UBASH3B: variants seen among roughly 807,000 people sequenced by gnomAD.
UBASH3B encodes the protein ubiquitin associated and SH3 domain containing B.
Under a neutral mutation model 83.4 loss-of-function variants are expected in UBASH3B, and 37 were observed. The observed-to-expected ratio is 0.44, with a 90% confidence interval of 0.34 to 0.58. UBASH3B has a LOEUF of 0.58. Ranked by LOEUF, UBASH3B falls within the 20% of genes least tolerant of loss-of-function variation. UBASH3B has a pLI of 0.01. For synonymous variants in UBASH3B, 304 were observed against 318.3 expected (o/e 0.96, Z 0.48); for missense variants, 657 against 827.2 (o/e 0.79, Z 2.52).
rs148197858 is a variant in UBASH3B at position 122,782,033 on chromosome 11, A to T, written c.602-1020A>T. Among the ~76,000 whole-genome samples the T allele has an allele frequency of 8.3e-3, 1,268 of 152,266 alleles. 16 individuals are homozygous for T. Among genetic ancestry groups the T allele is most frequent in the African/African-American group, 0.029 (1,190 of 41,540 alleles). ...AAATTCCCTAATTTCTTCTAGTTGC[A>T]ACTTCTTCATTATTCTAGTTTGTAC... On this transcript the variant is annotated intron_variant, in intron 4 of 13. Coordinates refer to ENST00000284273, the MANE Select transcript of UBASH3B (RefSeq NM_032873.5).
In UBASH3B at chr11:122,655,914, GCGCCGCCTCCGCTGC is replaced by G. The variant is rs563840858; in HGVS notation, c.-125_-111del. ...AGTCCCGACACTGGGGAAGCTCGGA[GCGCCGCCTCCGCTGC>G]CGCCGCCTCCTGCCTGGCTCTGGGT... On this transcript the variant is annotated 5_prime_UTR_variant, in exon 1 of 14. Coordinates refer to ENST00000284273, the MANE Select transcript of UBASH3B (RefSeq NM_032873.5). The G allele has an allele frequency of 1.0e-5, 10 of 972,062 alleles. No homozygotes were observed. Among genetic ancestry groups the G allele is most frequent in the South Asian group, 2.0e-5 (1 of 50,470 alleles). The allele number at this position is 972,062 out of a possible 1,614,324, so 60.2% of individuals were successfully genotyped here. A position where few individuals can be genotyped will look rare whatever the true frequency, so the allele number is the denominator to read the frequency against.
At chr11:122,745,043 CCG>C (rs1861095771) in intron 1 of UBASH3B, among the ~76,000 whole-genome samples, 1 of 151,954 alleles carries the variant, frequency 6.6e-6, no homozygotes, top group African/African-American at 2.4e-5. Context: ...CCCAGGGAGC[CCG>C]TCTGCCTGAG....
intron 1 of UBASH3B, among the ~76,000 whole-genome samples, chr11:122,770,378 T>C (rs4936742): frequency 0.63 from 96,262 of 151,836 alleles, 31,493 homozygotes; most frequent in African/African-American, 0.8. Context: ...GGGAACTCTC[T>C]TCTGAAGGCA....
intron 2 of UBASH3B, 41 bp downstream of exon 2, chr11:122,776,313 T>G: frequency 6.4e-7 from 1 of 1,563,258 alleles, no homozygotes; most frequent in Non-Finnish European, 8.7e-7. Flanking sequence ...AGCATATAAT[T>G]AACTCAAAGT....
chr11:122,756,459 T>G (rs1861283674), intron 1 of UBASH3B, among the ~76,000 whole-genome samples: 1 of 152,170 alleles, frequency 6.6e-6, no homozygotes, highest in South Asian at 2.1e-4. Context: ...TTACACTGCC[T>G]TTTTTTCCTG....
rs140176652 is a variant in UBASH3B, at chr11:122,683,487, C to T, written c.161+27277C>T. Among the ~76,000 whole-genome samples the T allele has an allele frequency of 9.5e-3, 1,443 of 151,120 alleles. 10 individuals carry two copies. The highest frequency in any genetic ancestry group is 0.014 in the Non-Finnish European group (979 of 67,798). ...AAAATTAGCCGGGCGTGGTGGCGCA[C>T]GCCTGTAATCCCAGCTACTTGGGAG... On this transcript the variant is annotated intron_variant, in intron 1 of 13. Coordinates refer to ENST00000284273, the MANE Select transcript of UBASH3B (RefSeq NM_032873.5).
Position 122,804,983 on chromosome 11 carries a change from G to T in UBASH3B, c.1596-1427G>T, listed in dbSNP as rs1431488398. ...CATTGGTGACTGGGTTTGAAGACAT[G>T]CAGGGGCACCGGGACAGGAAGCCTA... On this transcript the variant is annotated intron_variant, in intron 11 of 13. Coordinates refer to ENST00000284273, the MANE Select transcript of UBASH3B (RefSeq NM_032873.5). Among the ~76,000 whole-genome samples, 3 of 152,210 alleles carry T rather than the reference G, an allele frequency of 2.0e-5. No homozygotes were observed. In the East Asian group the frequency reaches 5.8e-4, roughly 29 times the overall value.
In UBASH3B at chr11:122,712,902, T is replaced by TTTTG. The variant is rs1555139182; in HGVS notation, c.161+56695_161+56696insGTTT. Among the ~76,000 whole-genome samples, 652 of 89,474 alleles carry TTTTG rather than the reference T, an allele frequency of 7.3e-3. 17 individuals are homozygous for TTTTG. The highest frequency in any genetic ancestry group is 0.026 in the African/African-American group (581 of 22,468). 58.7% of individuals were successfully genotyped at this position (89,474 alleles called of 152,430 possible). ...CATCTTTCTTCTCTGGGTGGTTTTT[T>TTTTG]TTTTTTTTTTTTTTTTTTTTTTTTG... On this transcript the variant is annotated intron_variant, in intron 1 of 13. Transcript: ENST00000284273.
intron 1 of UBASH3B, among the ~76,000 whole-genome samples, chr11:122,683,920 C>T (rs1863778156): frequency 6.6e-6 from 1 of 152,008 alleles, no homozygotes; most frequent in South Asian, 2.1e-4. Context: ...GTCTCCATAG[C>T]CCAGATTATG....
chr11:122,664,389 G>C (rs1272976021), intron 1 of UBASH3B, among the ~76,000 whole-genome samples: 1 of 152,198 alleles, frequency 6.6e-6, no homozygotes, highest in Admixed American at 6.5e-5. Flanking sequence ...CAGGGTGACA[G>C]ACTCAGCCAA....
At chr11:122,720,484 A>G (rs759886456) in intron 1 of UBASH3B, among the ~76,000 whole-genome samples, 2 of 152,206 alleles carry the variant, frequency 1.3e-5, no homozygotes, top group Non-Finnish European at 2.9e-5. Context: ...TGTAAGGCAG[A>G]TGGAATCACT....
chr11:122,693,519 A>T (rs1249903819), intron 1 of UBASH3B, among the ~76,000 whole-genome samples: 2 of 152,218 alleles, frequency 1.3e-5, no homozygotes, highest in South Asian at 2.1e-4. Flanking sequence ...GGACAAAGTC[A>T]TGGAGGGATG....
At chr11:122,770,436 C>T (rs1298258810) in intron 1 of UBASH3B, among the ~76,000 whole-genome samples, 1 of 149,330 alleles carries the variant, frequency 6.7e-6, no homozygotes, top group Non-Finnish European at 1.5e-5. Context: ...TAACCTATCC[C>T]TCTGAGTCGG....
At chr11:122,661,906 CTTTT>C (rs34060053) in intron 1 of UBASH3B, among the ~76,000 whole-genome samples, 1 of 113,184 alleles carries the variant, frequency 8.8e-6, no homozygotes. Context: ...TGCTTTTTTT[CTTTT>C]TTTTTTTTTT....
Position 122,808,184 on chromosome 11 carries a change from A to G in UBASH3B, c.1812+8A>G, listed in dbSNP as rs368569077. 1 of 1,611,636 alleles carries G rather than the reference A, an allele frequency of 6.2e-7. No homozygotes were observed. Among genetic ancestry groups the G allele is most frequent in the African/African-American group, 1.3e-5 (1 of 74,888 alleles). On this transcript the variant is annotated splice_region_variant and intron_variant, in intron 13 of 13. Coordinates refer to ENST00000284273, the MANE Select transcript of UBASH3B (RefSeq NM_032873.5). The stretch of plus-strand genomic sequence containing the variant: ...GTACAAATGGTCCGAAAGGTAATTC[A>G]TTCTCGTACTTTGGGGTCCGTGATG...
intron 1 of UBASH3B, among the ~76,000 whole-genome samples, chr11:122,715,231 CA>C (rs1310628964): frequency 6.6e-6 from 1 of 151,830 alleles, no homozygotes; most frequent in Non-Finnish European, 1.5e-5. Flanking sequence ...AGGCATGAGC[CA>C]CTGCGCCCAG....
intron 1 of UBASH3B, among the ~76,000 whole-genome samples, chr11:122,701,524 T>G (rs1317068856): frequency 2.0e-5 from 3 of 152,182 alleles, no homozygotes; most frequent in Non-Finnish European, 4.4e-5. Flanking sequence ...CTTTTCAAAA[T>G]GAGCTTGTTC....
intron 1 of UBASH3B, among the ~76,000 whole-genome samples, chr11:122,722,830 C>G (rs377570106): frequency 6.6e-6 from 1 of 151,982 alleles, no homozygotes; most frequent in Non-Finnish European, 1.5e-5. Context: ...CTCAGACTCC[C>G]GAGTAGCTGG....
chr11:122,806,226 T>G lies in UBASH3B; in HGVS notation c.1596-184T>G, dbSNP rs1262232810. Among the ~76,000 whole-genome samples the G allele has an allele frequency of 6.6e-6, 1 of 152,244 alleles. No homozygotes were observed. The highest frequency in any genetic ancestry group is 1.5e-5 in the Non-Finnish European group (1 of 68,034). On this transcript the variant is annotated intron_variant, in intron 11 of 13. Coordinates refer to ENST00000284273, the MANE Select transcript of UBASH3B (RefSeq NM_032873.5). The surrounding 1 kb of genome is among the most constrained non-coding windows in gnomAD (Gnocchi z 4.0). The stretch of plus-strand genomic sequence containing the variant: ...ACACATAGCTGTTATTTCTGTACAT[T>G]TCCACTCCATGTTCATATAGTAGAA...
Sources: allele counts gnomAD v4.1 joint callset (sites outside exome capture counted in the v4.1 genomes callset), GRCh38; gene constraint gnomAD v4.1.1; non-coding constraint Gnocchi (gnomAD v3.1); transcripts MANE v1.5; gene names NCBI Gene and HGNC (gene_info 2026-07-23, HGNC 2026-07-21).